Variants in POM121 observed in about 807,000 individuals in gnomAD.
POM121 encodes POM121 transmembrane nucleoporin.
In POM121, 32 loss-of-function variants were observed where a neutral mutation model predicts 81.3. The observed-to-expected ratio is 0.39, with a 90% CI of 0.30 to 0.53. The LOEUF is 0.53. POM121 is among the 20% of genes least tolerant of loss of function. The pLI, the probability that POM121 is intolerant of heterozygous loss-of-function variation, is 0.66. For missense variants in POM121, 1,138 were observed against 1,614.6 expected (o/e 0.70, Z 5.06); for synonymous variants, 514 against 694.2 (o/e 0.74, Z 4.08).
intron 3 of POM121, among the ~76,000 whole-genome samples, chr7:72,904,233 A>G (rs1793007510): frequency 2.0e-5 from 3 of 152,334 alleles, no homozygotes; most frequent in Non-Finnish European, 4.4e-5. Context: ...CAGCATGTGC[A>G]TGGCTACTGA....
chr7:72,902,948 C>T (rs1334070331), intron 3 of POM121, among the ~76,000 whole-genome samples: 1 of 152,202 alleles, frequency 6.6e-6, no homozygotes, highest in Non-Finnish European at 1.5e-5. Flanking sequence ...AGATTTCAGA[C>T]AGCTGATTTA....
downstream of POM121, chr7:72,949,616 T>C (rs3864358): frequency 1.5e-6 from 1 of 663,638 alleles, no homozygotes; most frequent in South Asian, 1.8e-5. Flanking sequence ...AAACAGCCTA[T>C]ATTTAAAGGG....
chr7:72,890,273 C>T (rs1473135688), intron 1 of POM121, among the ~76,000 whole-genome samples: 1 of 152,166 alleles, frequency 6.6e-6, no homozygotes, highest in African/African-American at 2.4e-5. Context: ...CGCCTGGCAG[C>T]AAAGAAGACT....
At chr7:72,922,379 A>G (rs6460039), upstream of POM121, among the ~76,000 whole-genome samples, 18,109 of 151,904 alleles carry the variant, frequency 0.12, 1,191 homozygotes, top group African/African-American at 0.14. Context: ...GTCTTTTCCC[A>G]TATAGAAGTA....
chr7:72,897,835 A>G (rs1792120408), intron 3 of POM121, among the ~76,000 whole-genome samples: 1 of 152,170 alleles, frequency 6.6e-6, no homozygotes. Context: ...AGCCTGGGAA[A>G]CATAGCAAGA....
At chr7:72,887,603 C>A (rs1305595973) in intron 1 of POM121, among the ~76,000 whole-genome samples, 1 of 152,144 alleles carries the variant, frequency 6.6e-6, no homozygotes, top group Non-Finnish European at 1.5e-5. Flanking sequence ...CTAAGGCGGG[C>A]AGATCACGAG....
At chr7:72,933,245 T>C (rs1167701456) in intron 5 of POM121, among the ~76,000 whole-genome samples, 4 of 151,920 alleles carry the variant, frequency 2.6e-5, no homozygotes, top group African/African-American at 9.7e-5. Context: ...TCCCAGTTAC[T>C]TGGGAGGCTG....
At chr7:72,912,411 G>T (rs1287287766) in intron 3 of POM121, among the ~76,000 whole-genome samples, 2 of 152,162 alleles carry the variant, frequency 1.3e-5, no homozygotes, top group Non-Finnish European at 2.9e-5. Flanking sequence ...CCCAAAGGGA[G>T]GGTGGCCATA....
rs2530501 is a variant in POM121 at position 72,934,041 on chromosome 7, A to G, written c.1275+3930A>G. On this transcript the variant is annotated intron_variant, in intron 5 of 12. Coordinates refer to ENST00000434423, the MANE Select transcript of POM121 (RefSeq NM_001387691.1). Reference sequence around the variant, plus strand: ...CAGGATATATTAAAAACTGGCAATCATTACTGAGATAAAAAGGAAATTTAC... The same window carrying G: ...CAGGATATATTAAAAACTGGCAATCGTTACTGAGATAAAAAGGAAATTTAC... 2.9e-4 allele frequency among the ~76,000 whole-genome samples: 44 copies of G among 152,260 alleles called. No homozygotes were observed. The East Asian group carries it at 5.4e-3, about 19-fold the overall frequency.
At chr7:72,892,857 G>A (rs1554491118) in intron 3 of POM121, among the ~76,000 whole-genome samples, 1 of 152,042 alleles carries the variant, frequency 6.6e-6, no homozygotes, top group Non-Finnish European at 1.5e-5. Flanking sequence ...AGTAGAGACG[G>A]GGTTTCACCA....
chr7:72,897,929 G>A (rs1271460855), intron 3 of POM121, among the ~76,000 whole-genome samples: 2 of 152,154 alleles, frequency 1.3e-5, no homozygotes, highest in Non-Finnish European at 2.9e-5. Flanking sequence ...TGAGGTGAGA[G>A]AATCGCTTTA....
intron 3 of POM121, among the ~76,000 whole-genome samples, chr7:72,896,026 C>G (rs1432905617): frequency 1.3e-5 from 2 of 151,952 alleles, no homozygotes; most frequent in East Asian, 3.9e-4. Flanking sequence ...AGATCTGTGG[C>G]TTTCAAGCTG....
At chr7:72,900,898 G>A (rs1335540517) in intron 3 of POM121, among the ~76,000 whole-genome samples, 1 of 143,490 alleles carries the variant, frequency 7.0e-6, no homozygotes, top group Non-Finnish European at 1.5e-5. Context: ...AGATTCTTAA[G>A]TTTTTTTTTT....
chr7:72,925,680 C>T lies in POM121; in HGVS notation c.559C>T (p.Pro187Ser). Residue 187 changes from proline (P) to serine (S), a missense_variant, in exon 1 of 13, where the codon CCC becomes TCC. Physicochemically the swap from Pro to Ser is moderately conservative, Grantham distance 74. Transcript: ENST00000434423. ...PRSPPPRSPP[P>S]SPPTHRAHHV... The stretch of plus-strand genomic sequence containing the variant: ...CTCCCCACCGCCGCGCTCCCCCCCG[C>T]CCTCCCCGCCGACCCATCGCGCTCA... The T allele has an allele frequency of 8.1e-7, 1 of 1,235,082 alleles. No homozygotes were observed. The highest frequency in any genetic ancestry group is 1.0e-6 in the Non-Finnish European group (1 of 991,170). The allele number at this position is 1,235,082 out of a possible 1,614,324, so 76.5% of individuals were successfully genotyped here.
chr7:72,921,214 A>G (rs542953049), upstream of POM121, among the ~76,000 whole-genome samples: 280 of 152,210 alleles, frequency 1.8e-3, 1 homozygote, highest in African/African-American at 6.5e-3. Flanking sequence ...AAATAAAGAA[A>G]AGACTACCTC....
In POM121 at chr7:72,942,496, G is replaced by A. The variant is rs1586185279; in HGVS notation, c.2503G>A (p.Ala835Thr). The A allele has an allele frequency of 8.4e-7, 1 of 1,190,430 alleles. No homozygotes were observed. The highest frequency in any genetic ancestry group is 1.2e-6 in the Non-Finnish European group (1 of 858,248). 73.7% of individuals were successfully genotyped at this position (1,190,430 alleles called of 1,614,324 possible). ...SPSTDSASKP[A>T]FGFGINSVSS... ...ATCCACAGACTCTGCTTCGAAGCCT[G>A]CGTTTGGCTTTGGCATAAACAGTGT... is the stretch of plus-strand genomic sequence containing the variant. The change falls in exon 11 of 13, where the codon GCG (alanine) becomes ACG (threonine). Residue 835 changes from alanine (A) to threonine (T), a missense_variant. Physicochemically the swap from Ala to Thr is moderately conservative, Grantham distance 58. Transcript: ENST00000434423.
chr7:72,923,259 A>C (rs1794998245), upstream of POM121, among the ~76,000 whole-genome samples: 1 of 151,966 alleles, frequency 6.6e-6, no homozygotes, highest in Non-Finnish European at 1.5e-5. Context: ...CCCCAGAGGC[A>C]TCTATACCTT....
intron 1 of POM121, among the ~76,000 whole-genome samples, chr7:72,890,031 T>A (rs1554490634): frequency 6.6e-6 from 1 of 152,228 alleles, no homozygotes; most frequent in Non-Finnish European, 1.5e-5. Flanking sequence ...ATTACTCTAA[T>A]AACAGCTTTG....
chr7:72,902,791 A>G (rs1792829001), intron 3 of POM121, among the ~76,000 whole-genome samples: 1 of 152,168 alleles, frequency 6.6e-6, no homozygotes, highest in Non-Finnish European at 1.5e-5. Context: ...CAACCTCCCA[A>G]AGTGCTGGAA....
Sources: allele counts gnomAD v4.1 joint callset (sites outside exome capture counted in the v4.1 genomes callset), GRCh38; gene constraint gnomAD v4.1.1; transcripts MANE v1.5; gene names NCBI Gene and HGNC (gene_info 2026-07-23, HGNC 2026-07-21).